Variants in STK36 observed in about 807,000 individuals in gnomAD.
STK36 encodes serine/threonine kinase 36.
A neutral mutation model predicts 142.2 loss-of-function variants in STK36; 116 were observed. That is an observed-to-expected ratio of 0.82 (90% CI 0.70 to 0.95). The LOEUF (loss-of-function observed/expected upper bound fraction) is 0.95. Among genes scored for constraint, STK36 ranks in the 40% least tolerant of loss-of-function variants. The probability of loss-of-function intolerance (pLI) is 0.00; values close to 1 mark genes in which losing one functional copy is unlikely to be tolerated. For synonymous variants in STK36, 619 were observed against 641.7 expected (o/e 0.96, Z 0.53); for missense variants, 1,422 against 1,617.2 (o/e 0.88, Z 2.07).
Position 218,690,554 on chromosome 2 carries a change from T to C in STK36, c.1763T>C (p.Met588Thr), listed in dbSNP as rs755749076. The C allele has an allele frequency of 4.3e-6, 7 of 1,612,156 alleles. No homozygotes were observed. In the Middle Eastern group the frequency reaches 5.0e-4, roughly 114 times the overall value. ...SEQTLRRDSLMCFTVLCEAMD... is the reference protein window; with the variant it reads ...SEQTLRRDSLTCFTVLCEAMD... The stretch of plus-strand genomic sequence containing the variant: ...CAGACTTTGCGGAGGGACAGCCTTA[T>C]GGTAATCTGCTCCCACTTCCAGATT... The change falls in exon 14 of 27, where the codon ATG becomes ACG. Residue 588 changes from methionine (M) to threonine (T), a missense_variant and splice_region_variant. By Grantham distance (81) the Met-to-Thr change is moderately conservative. Around this residue, in one of 2 missense-constraint regions of STK36, gnomAD observed 962 missense variants for 1,167.5 expected, o/e 0.82. Transcript: ENST00000295709.
At chr2:218,672,502 T>G in intron 1 of STK36, 2 of 339,228 alleles carry the variant, frequency 5.9e-6, no homozygotes, top group Non-Finnish European at 5.6e-6. Context: ...GTTGAAAGAG[T>G]AGGGTCGAGT....
intron 12 of STK36, 65 bp downstream of exon 12, chr2:218,688,941 C>A: frequency 6.9e-7 from 1 of 1,458,958 alleles, no homozygotes; most frequent in Non-Finnish European, 9.1e-7. Flanking sequence ...TTATCTCATT[C>A]AGATTGCCAT....
chr2:218,692,244 G>GCTC lies in STK36; in HGVS notation c.1869_1871dup (p.Leu624dup), dbSNP rs753773479. 1 of 1,614,178 alleles carries GCTC rather than the reference G, an allele frequency of 6.2e-7. No homozygotes were observed. Among genetic ancestry groups the GCTC allele is most frequent in the South Asian group, 1.1e-5 (1 of 91,078 alleles). ...CGACACAGCAGGTTGTCTTGGATGG[G>GCTC]CTCCTTCATGGCTTGACAGTTCCAC... On this transcript the variant is annotated inframe_insertion, in exon 15 of 27. Transcript: ENST00000295709.
At chr2:218,689,353 A>G (rs1014218278) in intron 12 of STK36, among the ~76,000 whole-genome samples, 6 of 152,224 alleles carry the variant, frequency 3.9e-5, no homozygotes, top group African/African-American at 1.4e-4. Flanking sequence ...TTCAGAGGTA[A>G]CTCATACACA....
chr2:218,679,319 T>C, intron 7 of STK36, 58 bp downstream of exon 7: 1 of 1,510,908 alleles, frequency 6.6e-7, no homozygotes, highest in Non-Finnish European at 9.2e-7. Context: ...CTAAACTACT[T>C]CCCTTTCACT....
At chr2:218,688,555 C>T in intron 11 of STK36, 142 bp from the exon 12 acceptor site, 1 of 932,584 alleles carries the variant, frequency 1.1e-6, no homozygotes. Context: ...TGCTTTCCTT[C>T]TCTGTGTTTT....
chr2:218,687,361 T>A (rs1940818864), intron 11 of STK36, among the ~76,000 whole-genome samples: 1 of 152,248 alleles, frequency 6.6e-6, no homozygotes, highest in Non-Finnish European at 1.5e-5. Flanking sequence ...TTTTCTCTTT[T>A]CCTAAGTTTT....
rs1200655223 is a variant in STK36, at chr2:218,679,937, C to T, written c.993C>T (p.Thr331=). The T allele has an allele frequency of 3.1e-6, 5 of 1,614,158 alleles. No individual in the cohort carries two copies. The highest frequency in any genetic ancestry group is 4.2e-6 in the Non-Finnish European group (5 of 1,180,018). ...CTGCCCTTGAGCAAGAGGACAAGAC[C>T]AGCAAGGTGGCTCCTGGCACAGCCC... ...TGPALEQEDK[T]SKVAPGTAPL... is the part of the protein sequence containing the mutation. The change falls in exon 9 of 27, where the codon ACC becomes ACT. Residue 331 remains threonine (T), a synonymous_variant. Transcript: ENST00000295709.
intron 21 of STK36, among the ~76,000 whole-genome samples, chr2:218,696,127 G>T (rs549235739): frequency 5.3e-5 from 8 of 152,268 alleles, no homozygotes; most frequent in Admixed American, 3.9e-4. Context: ...CTCCCAAAGT[G>T]CTGGGATTAC....
At position 218,692,602 on chromosome 2, in the gene STK36, G is replaced by C; in HGVS notation, c.1935G>C (p.Gln645His). The C allele has an allele frequency of 1.2e-6, 2 of 1,613,108 alleles. No homozygotes were observed. The highest frequency in any genetic ancestry group is 4.5e-5 in the East Asian group (2 of 44,878). The change falls in exon 16 of 27, where the codon CAG (glutamine) becomes CAC (histidine). Residue 645 changes from glutamine (Q) to histidine (H), a missense_variant. Physicochemically the swap from Gln to His is conservative, Grantham distance 24 (BLOSUM62 0). Around this residue, in one of 2 missense-constraint regions of STK36, gnomAD observed 962 missense variants for 1,167.5 expected, o/e 0.82. Coordinates refer to ENST00000295709, the MANE Select transcript of STK36 (RefSeq NM_015690.5). ...CCACAGGAGCCCCGCAAGTGAGCCA[G>C]CCACTGCGAGAGCAGAGTGAGGATA... ...HTPQGAPQVS[Q>H]PLREQSEDIP...
chr2:218,673,873 C>T lies in STK36; in HGVS notation c.226-6C>T, dbSNP rs1940106214. ...AGCCATCAGTGCCACTGCCTTCTCT[C>T]TGTAGGTGGTGGTGGTGACAGACTA... On this transcript the variant is annotated splice_polypyrimidine_tract_variant and splice_region_variant and intron_variant, in intron 3 of 26. Transcript: ENST00000295709. 1 of 1,614,170 alleles carries T rather than the reference C, an allele frequency of 6.2e-7. No homozygotes were observed. Among genetic ancestry groups the T allele is most frequent in the Non-Finnish European group, 8.5e-7 (1 of 1,180,020 alleles).
chr2:218,698,760 T>C lies in STK36; in HGVS notation c.3216T>C (p.Ser1072=), dbSNP rs745463139. 2 of 1,614,040 alleles carry C rather than the reference T, an allele frequency of 1.2e-6. No individual in the cohort carries two copies. Among genetic ancestry groups the C allele is most frequent in the African/African-American group, 2.7e-5 (2 of 74,920 alleles). ...CGTTTCTCTCAGTTGCCCTCCTGAG[T>C]GACCAGCCACTGTTGACCTCCGACC... ...IVSFLSVALL[S]DQPLLTSDLL... The change falls in exon 26 of 27, where the codon AGT becomes AGC. Residue 1072 remains serine, a synonymous_variant. Transcript: ENST00000295709.
chr2:218,693,222 T>G lies in STK36; in HGVS notation c.2044-18T>G. 6.2e-7 allele frequency: 1 copy of G among 1,610,528 alleles called. No individual in the cohort carries two copies. The highest frequency in any genetic ancestry group is 8.5e-7 in the Non-Finnish European group (1 of 1,176,920). On this transcript the variant is annotated intron_variant, in intron 16 of 26. Coordinates refer to ENST00000295709, the MANE Select transcript of STK36 (RefSeq NM_015690.5). ...TAATCATGTGGATAGGATTGAGCCT[T>G]CAGGTATGTCTCTATAGGTCTGTTG...
chr2:218,697,820 C>G, intron 24 of STK36, 34 bp from the exon 25 acceptor site: 2 of 1,614,018 alleles, frequency 1.2e-6, no homozygotes, highest in Non-Finnish European at 1.7e-6. Flanking sequence ...GTTAAGTGAA[C>G]AAGACCAAGT....
At chr2:218,673,288 A>G in intron 2 of STK36, 1 of 388,044 alleles carries the variant, frequency 2.6e-6, no homozygotes, top group Non-Finnish European at 4.6e-6. Flanking sequence ...CACACCATGT[A>G]ATAAGAGGTA....
chr2:218,693,990 C>T lies in STK36; in HGVS notation c.2336+7C>T, dbSNP rs1941119659. On this transcript the variant is annotated splice_region_variant and intron_variant, in intron 19 of 26. Transcript: ENST00000295709. ...TCCAAAACCTGCCTTGTGGGTAAGT[C>T]ATAAAGTAGGGTGTCTCCACAGAAG... 1.2e-6 allele frequency: 2 copies of T among 1,613,934 alleles called. No homozygotes were observed. Among genetic ancestry groups the T allele is most frequent in the Non-Finnish European group, 1.7e-6 (2 of 1,179,916 alleles).
rs371599500 is a variant in STK36, at chr2:218,676,258, A to G, written c.664A>G (p.Thr222Ala). 1.3e-5 allele frequency: 21 copies of G among 1,614,194 alleles called. No homozygotes were observed. The African/African-American group carries it at 1.6e-4, about 12-fold the overall frequency. The change falls in exon 6 of 27, where the codon ACC (threonine) becomes GCC (alanine). Residue 222 changes from threonine to alanine, a missense_variant. Physicochemically the swap from Thr to Ala is moderately conservative, Grantham distance 58. Coordinates refer to ENST00000295709, the MANE Select transcript of STK36 (RefSeq NM_015690.5). Reference sequence around the variant, plus strand: ...CAAGGACCCTGTGCGCTGGCCCTCAACCATCAGTCCCTGCTTTAAGGTAAT... The same window carrying G: ...CAAGGACCCTGTGCGCTGGCCCTCAGCCATCAGTCCCTGCTTTAAGGTAAT... The part of the protein sequence containing the change: ...ILKDPVRWPS[T>A]ISPCFKNFLQ...
At chr2:218,692,091 T>C in intron 14 of STK36, 52 bp from the exon 15 acceptor site, 2 of 1,573,232 alleles carry the variant, frequency 1.3e-6, no homozygotes, top group Non-Finnish European at 1.7e-6. Context: ...TTTTTTACAC[T>C]AAGCCCAGTC....
chr2:218,685,645 T>C (rs1450586590), intron 11 of STK36, among the ~76,000 whole-genome samples: 3 of 152,144 alleles, frequency 2.0e-5, no homozygotes, highest in Non-Finnish European at 4.4e-5. Flanking sequence ...ATGAGGTTAT[T>C]TTGCGGGGGA....
Sources: allele counts gnomAD v4.1 joint callset (sites outside exome capture counted in the v4.1 genomes callset), GRCh38; gene constraint gnomAD v4.1.1; regional missense constraint gnomAD v4.1.1; transcripts MANE v1.5; gene names NCBI Gene and HGNC (gene_info 2026-07-23, HGNC 2026-07-21).